TBC1D30: variants seen among roughly 807,000 people sequenced by gnomAD.
The protein encoded by TBC1D30 is TBC1 domain family, member 30.
TBC1D30 carries 31 observed loss-of-function variants against 63.2 expected under a neutral mutation model. The ratio of observed to expected loss-of-function variants is 0.49; its 90% CI spans 0.37 to 0.66. TBC1D30 has a LOEUF of 0.66. TBC1D30 is among the 30% of genes least tolerant of loss of function. The pLI is 0.00. For missense variants in TBC1D30, 810 were observed against 953.6 expected (o/e 0.85, Z 1.98); for synonymous variants, 307 against 361.5 (o/e 0.85, Z 1.71).
chr12:64,860,295 G>A (rs1198821296), intron 8 of TBC1D30, among the ~76,000 whole-genome samples: 7 of 152,000 alleles, frequency 4.6e-5, no homozygotes, highest in Non-Finnish European at 1.0e-4. Context: ...TGGGACTACA[G>A]GTGCATGCCA....
intron 3 of TBC1D30, 93 bp downstream of exon 3, chr12:64,828,602 T>C: frequency 2.5e-6 from 2 of 813,464 alleles, no homozygotes; most frequent in Non-Finnish European, 3.9e-6. Context: ...CTAGGTTTAG[T>C]TACTTGAAAA....
rs1049127062 is a variant in TBC1D30, at chr12:64,839,335, A to C, written c.932+484A>C. Among the ~76,000 whole-genome samples the C allele has an allele frequency of 3.3e-5, 5 of 152,370 alleles. No homozygotes were observed. In the South Asian group the frequency reaches 8.3e-4, roughly 25 times the overall value. On this transcript the variant is annotated intron_variant, in intron 7 of 11. Coordinates refer to ENST00000539867, the MANE Select transcript of TBC1D30 (RefSeq NM_015279.2). ...ACTTCTTTCCTTTCATTAAGAATTA[A>C]TTCTCTGTTGGAATCTGTTACTGCC...
chr12:64,766,189 C>T (rs1443543430), intron 1 of TBC1D30, among the ~76,000 whole-genome samples: 1 of 152,032 alleles, frequency 6.6e-6, no homozygotes, highest in East Asian at 1.9e-4. Flanking sequence ...TAAAAATGAG[C>T]AGGGCCCTTG....
At chr12:64,830,583 A>G (rs1405933825) in intron 4 of TBC1D30, 81 bp downstream of exon 4, 1 of 1,264,310 alleles carries the variant, frequency 7.9e-7, no homozygotes, top group Non-Finnish European at 1.0e-6. Flanking sequence ...CAGAGGATCA[A>G]ATGATCTCTA....
chr12:64,762,597 T>C (rs1253925183), intron 1 of TBC1D30, among the ~76,000 whole-genome samples: 1 of 152,188 alleles, frequency 6.6e-6, no homozygotes, highest in Non-Finnish European at 1.5e-5. Flanking sequence ...AAACAAAATA[T>C]AACGTTATAA....
At chr12:64,843,064 G>T (rs559821800) in intron 7 of TBC1D30, among the ~76,000 whole-genome samples, 182 of 152,354 alleles carry the variant, frequency 1.2e-3, no homozygotes, top group African/African-American at 4.3e-3. Context: ...CTGGATTGCA[G>T]TGGTGCTATC....
At chr12:64,842,495 ATTCT>A (rs1875968286) in intron 7 of TBC1D30, among the ~76,000 whole-genome samples, 1 of 152,222 alleles carries the variant, frequency 6.6e-6, no homozygotes, top group Non-Finnish European at 1.5e-5. Context: ...TGAGTGTCAG[ATTCT>A]TTATTTACAT....
At chr12:64,793,315 C>CTACTGTCCCA (rs1872046875) in intron 2 of TBC1D30, among the ~76,000 whole-genome samples, 8 of 151,344 alleles carry the variant, frequency 5.3e-5, no homozygotes, top group Admixed American at 4.6e-4. Flanking sequence ...TACCCTCCCA[C>CTACTGTCCCA]CTGGGTGACA....
intron 5 of TBC1D30, among the ~76,000 whole-genome samples, chr12:64,833,472 C>T (rs975823738): frequency 3.3e-5 from 5 of 152,078 alleles, no homozygotes; most frequent in African/African-American, 1.2e-4. Context: ...CTCTTGATTG[C>T]AATGCTTTGT....
upstream of TBC1D30, among the ~76,000 whole-genome samples, chr12:64,820,767 C>T (rs981621008): frequency 6.6e-6 from 1 of 152,196 alleles, no homozygotes; most frequent in Admixed American, 6.5e-5. Flanking sequence ...AAATAAAAAA[C>T]TGTGAGTCAC....
At chr12:64,778,857 G>C (rs1403386848), upstream of TBC1D30, among the ~76,000 whole-genome samples, 1 of 152,026 alleles carries the variant, frequency 6.6e-6, no homozygotes, top group African/African-American at 2.4e-5. Flanking sequence ...GACGAGACTT[G>C]GTGAGAGCAG....
chr12:64,813,259 G>A (rs1207844276), intron 2 of TBC1D30, among the ~76,000 whole-genome samples: 1 of 152,068 alleles, frequency 6.6e-6, no homozygotes, highest in Non-Finnish European at 1.5e-5. Context: ...ATGTGGTGGT[G>A]CACGCCTGTA....
At chr12:64,781,278 G>T in exon 1 of TBC1D30, 1 of 1,140,656 alleles carries the variant, frequency 8.8e-7, no homozygotes, top group Non-Finnish European at 1.1e-6. Context: ...CTGTACCTGC[G>T]GCAGAAAGGT....
rs1878598301 is a variant in TBC1D30 at position 64,870,805 on chromosome 12, G to A, written c.1495G>A (p.Ala499Thr). 2 of 1,535,868 alleles carry A rather than the reference G, an allele frequency of 1.3e-6. No homozygotes were observed. The highest frequency in any genetic ancestry group is 1.4e-5 in the African/African-American group (1 of 73,018). Residue 499 changes from alanine (A) to threonine (T), a missense_variant, in exon 11 of 12, where the codon GCA (alanine) becomes ACA (threonine). Ala to Thr is a moderately conservative substitution (Grantham distance 58). Around this residue, in one of 4 missense-constraint regions of TBC1D30, gnomAD observed 450 missense variants for 473.0 expected, o/e 0.95. Transcript: ENST00000539867. Reference protein sequence around the residue: ...QQQVHQVYIRADKGPVTSILP... With the variant: ...QQQVHQVYIRTDKGPVTSILP... ...GCAGGTTCATCAGGTGTACATCAGG[G>A]CAGGTAATGTGATTCTTCATTTGAA...
chr12:64,875,657 C>G lies in TBC1D30; in HGVS notation c.2155C>G (p.Arg719Gly). 1 of 1,536,320 alleles carries G rather than the reference C, an allele frequency of 6.5e-7. No individual in the cohort carries two copies. Among genetic ancestry groups the G allele is most frequent in the Non-Finnish European group, 8.7e-7 (1 of 1,146,952 alleles). ...FSPFPSVKPL[R>G]KSATARNLGL... ...CCCTTTTCCCAGCGTCAAGCCCCTG[C>G]GGAAATCTGCTACTGCCAGGAACTT... The change falls in exon 12 of 12, where the codon CGG (arginine) becomes GGG (glycine). Residue 719 changes from arginine (R) to glycine (G), a missense_variant. Physicochemically the swap from Arg to Gly is moderately radical, Grantham distance 125 (BLOSUM62 -2). This residue lies in a region of TBC1D30 where 450 missense variants were observed against 473.0 expected (regional missense o/e 0.95). Transcript: ENST00000539867.
At chr12:64,846,181 G>A (rs1216558262) in intron 8 of TBC1D30, among the ~76,000 whole-genome samples, 1 of 151,594 alleles carries the variant, frequency 6.6e-6, no homozygotes, top group Non-Finnish European at 1.5e-5. Context: ...TGTTTTCTTT[G>A]CTGTGCAGGA....
chr12:64,863,796 C>A (rs554452709), intron 8 of TBC1D30, among the ~76,000 whole-genome samples: 2 of 152,272 alleles, frequency 1.3e-5, no homozygotes, highest in South Asian at 4.1e-4. Flanking sequence ...TAAAAACAGT[C>A]CTGCTGAAAT....
Position 64,876,544 on chromosome 12 carries a change from T to C in TBC1D30, c.*756T>C. On this transcript the variant is annotated 3_prime_UTR_variant, in exon 12 of 12. Coordinates refer to ENST00000539867, the MANE Select transcript of TBC1D30 (RefSeq NM_015279.2). ...CACTGAGCTTTTCCTGAGGTTTGTGTTCGCCTCTCAAGGAGAGCTTTGATC... is the reference window on the plus strand; with the variant it reads ...CACTGAGCTTTTCCTGAGGTTTGTGCTCGCCTCTCAAGGAGAGCTTTGATC... 1 of 312,532 alleles carries C rather than the reference T, an allele frequency of 3.2e-6. No individual in the cohort carries two copies. The highest frequency in any genetic ancestry group is 2.9e-5 in the South Asian group (1 of 34,368). 19.4% of individuals were successfully genotyped at this position (312,532 alleles called of 1,614,324 possible).
upstream of TBC1D30, among the ~76,000 whole-genome samples, chr12:64,776,333 G>GA (rs901543230): frequency 4.0e-5 from 6 of 151,428 alleles, no homozygotes; most frequent in African/African-American, 1.2e-4. Flanking sequence ...AGTTTTTTTT[G>GA]AAAAAATTAA....
Sources: gnomAD v4.1 joint callset for allele counts (sites outside exome capture counted in the v4.1 genomes callset) on GRCh38, gnomAD v4.1.1 for gene constraint, gnomAD v4.1.1 regional missense constraint, MANE v1.5 for transcripts, NCBI Gene and HGNC (gene_info 2026-07-23, HGNC 2026-07-21) for gene names.